Variants in LRFN5 observed in about 807,000 individuals in gnomAD.
The protein encoded by LRFN5 is leucine-rich repeat and fibronectin type-III domain-containing protein 5.
In LRFN5, 24 loss-of-function variants were observed where a neutral mutation model predicts 45.6. The observed-to-expected ratio is 0.53, with a 90% CI of 0.38 to 0.74. The LOEUF (loss-of-function observed/expected upper bound fraction) is 0.74, where lower values mean the gene tolerates loss of function less well. LRFN5 is among the 30% of genes least tolerant of loss of function. LRFN5 has a pLI of 0.00. For missense variants in LRFN5, 776 were observed against 861.5 expected, an observed-to-expected ratio of 0.90 and a Z score of 1.24; for synonymous variants, 340 against 313.8, an observed-to-expected ratio of 1.08 and a Z score of -0.88.
At chr14:41,722,771 A>G (rs7153784) in intron 1 of LRFN5, among the ~76,000 whole-genome samples, 2,839 of 152,244 alleles carry the variant, frequency 0.019, 91 homozygotes, top group African/African-American at 0.065. Flanking sequence ...GGCTGCATAT[A>G]TACTTAATTC....
intron 1 of LRFN5, among the ~76,000 whole-genome samples, chr14:41,715,194 C>T (rs892192833): frequency 5.9e-5 from 9 of 152,122 alleles, no homozygotes; most frequent in East Asian, 3.9e-4. Context: ...ATCTCTAATG[C>T]GTGAGACTGC....
At chr14:41,854,899 G>T (rs1469465079) in intron 2 of LRFN5, among the ~76,000 whole-genome samples, 1 of 152,172 alleles carries the variant, frequency 6.6e-6, no homozygotes, top group East Asian at 1.9e-4. Context: ...TTCATAAATA[G>T]TATGCACTTA....
chr14:41,688,328 A>C (rs1200342489), intron 1 of LRFN5, among the ~76,000 whole-genome samples: 1 of 152,154 alleles, frequency 6.6e-6, no homozygotes, highest in Non-Finnish European at 1.5e-5. Context: ...GGATTGTCTG[A>C]AACATAAAGA....
At position 41,721,770 on chromosome 14, in the gene LRFN5, C is replaced by G. The variant is rs551666139; in HGVS notation, c.-196-45084C>G. Among the ~76,000 whole-genome samples, 5 of 152,240 alleles carry G rather than the reference C, an allele frequency of 3.3e-5. No homozygotes were observed. The South Asian group carries it at 1.0e-3, about 32-fold the overall frequency. On this transcript the variant is annotated intron_variant, in intron 1 of 5. Coordinates refer to ENST00000298119, the MANE Select transcript of LRFN5 (RefSeq NM_152447.5). ...TGATGGGATTCCCTTTGTATGTAAT[C>G]TAGTCTTTTTCTCAAGCTACCTTTT...
intron 2 of LRFN5, among the ~76,000 whole-genome samples, chr14:41,810,514 A>G (rs1887701209): frequency 6.6e-6 from 1 of 152,004 alleles, no homozygotes; most frequent in South Asian, 2.1e-4. Context: ...TGACTGTCTC[A>G]TTTTCCTATC....
chr14:41,639,173 C>A, intron 1 of LRFN5, among the ~76,000 whole-genome samples: 1 of 152,050 alleles, frequency 6.6e-6, no homozygotes, highest in Non-Finnish European at 1.5e-5. Flanking sequence ...GCTCATGAAT[C>A]ATTTGCTCAA....
At chr14:41,822,647 G>A (rs1477946507) in intron 2 of LRFN5, among the ~76,000 whole-genome samples, 1 of 151,954 alleles carries the variant, frequency 6.6e-6, no homozygotes, top group African/African-American at 2.4e-5. Context: ...TTCTGTAAAT[G>A]TCTGTTAGGT....
chr14:41,620,324 C>G (rs1888076275), intron 1 of LRFN5, among the ~76,000 whole-genome samples: 1 of 151,966 alleles, frequency 6.6e-6, no homozygotes, highest in African/African-American at 2.4e-5. Flanking sequence ...ATAGGCAGGA[C>G]CAATCCAGGT....
intron 2 of LRFN5, among the ~76,000 whole-genome samples, chr14:41,794,088 CAT>C (rs1460595146): frequency 6.6e-6 from 1 of 151,960 alleles, no homozygotes; most frequent in African/African-American, 2.4e-5. Context: ...CATATCAACT[CAT>C]ATTTATAAAT....
intron 1 of LRFN5, among the ~76,000 whole-genome samples, chr14:41,674,183 C>A (rs1472245645): frequency 7.8e-6 from 1 of 128,826 alleles, no homozygotes; most frequent in African/African-American, 2.9e-5. Context: ...CCAGACGGGG[C>A]GGCTGGCCGG....
intron 4 of LRFN5, among the ~76,000 whole-genome samples, chr14:41,895,631 G>C (rs1381876330): frequency 4.7e-5 from 7 of 147,846 alleles, no homozygotes; most frequent in Non-Finnish European, 9.0e-5. Flanking sequence ...TCTCAAAAGA[G>C]AAGAAAAAAA....
At position 41,887,317 on chromosome 14, in the gene LRFN5, C is replaced by G; in HGVS notation, c.692C>G (p.Ser231Cys). The G allele has an allele frequency of 6.2e-7, 1 of 1,614,206 alleles. No homozygotes were observed. Among genetic ancestry groups the G allele is most frequent in the Non-Finnish European group, 8.5e-7 (1 of 1,180,036 alleles). ...VLATSGIISP[S>C]TFALSFGGNP... ...GCAACCTCAGGAATCATAAGCCCAT[C>G]TACTTTTGCATTAAGTTTTGGTGGA... The change falls in exon 3 of 6, where the codon TCT (serine) becomes TGT (cysteine). Residue 231 changes from serine to cysteine, a missense_variant. Physicochemically the swap from Ser to Cys is moderately radical, Grantham distance 112 (BLOSUM62 -1). Transcript: ENST00000298119. The surrounding 1 kb of genome is among the most constrained non-coding windows in gnomAD (Gnocchi z 4.8).
intron 1 of LRFN5, among the ~76,000 whole-genome samples, chr14:41,762,055 A>G (rs61992434): frequency 0.13 from 19,655 of 151,532 alleles, 1,514 homozygotes; most frequent in Non-Finnish European, 0.18. Context: ...AACTATTACT[A>G]TGAAACATAG....
chr14:41,888,311 G>A (rs892535281), intron 3 of LRFN5, among the ~76,000 whole-genome samples: 1 of 152,072 alleles, frequency 6.6e-6, no homozygotes, highest in Non-Finnish European at 1.5e-5. Context: ...AAACATACCA[G>A]AACTTACACA....
intron 2 of LRFN5, among the ~76,000 whole-genome samples, chr14:41,809,425 G>T (rs1887662798): frequency 6.6e-6 from 1 of 150,988 alleles, no homozygotes; most frequent in African/African-American, 2.4e-5. Flanking sequence ...ATATTGAGAG[G>T]GTGGCAAAAA....
chr14:41,888,213 A>G (rs573151886), intron 3 of LRFN5, among the ~76,000 whole-genome samples: 1 of 152,108 alleles, frequency 6.6e-6, no homozygotes, highest in African/African-American at 2.4e-5. Flanking sequence ...TTCAATTTAT[A>G]TTTAATATTA....
intron 1 of LRFN5, among the ~76,000 whole-genome samples, chr14:41,696,336 T>C (rs528432232): frequency 1.4e-4 from 22 of 152,070 alleles, no homozygotes; most frequent in African/African-American, 4.8e-4. Flanking sequence ...ATAAACTTAT[T>C]TGATTAAACA....
chr14:41,875,035 A>G (rs1466294778), intron 2 of LRFN5, among the ~76,000 whole-genome samples: 1 of 152,234 alleles, frequency 6.6e-6, no homozygotes, highest in Non-Finnish European at 1.5e-5. Context: ...TAGGGATTGT[A>G]GGAACTACAA....
At chr14:41,791,997 G>A (rs772279109) in intron 2 of LRFN5, among the ~76,000 whole-genome samples, 18 of 152,114 alleles carry the variant, frequency 1.2e-4, no homozygotes, top group Admixed American at 2.6e-4. Flanking sequence ...AGGGGAATCC[G>A]CCCCCAATAT....
Sources: allele counts gnomAD v4.1 joint callset (sites outside exome capture counted in the v4.1 genomes callset), GRCh38; gene constraint gnomAD v4.1.1; non-coding constraint Gnocchi (gnomAD v3.1); transcripts MANE v1.5; gene names NCBI Gene and HGNC (gene_info 2026-07-23, HGNC 2026-07-21).